OPCML: variants seen among roughly 807,000 people sequenced by gnomAD.
The protein encoded by OPCML is opioid-binding protein/cell adhesion molecule.
In OPCML, 13 loss-of-function variants were observed where a neutral mutation model predicts 37.8. The ratio of observed to expected loss-of-function variants is 0.34; its 90% CI spans 0.22 to 0.55. The LOEUF is 0.55. Ranked by LOEUF, OPCML falls within the 20% of genes least tolerant of loss-of-function variation. The pLI, the probability that OPCML is intolerant of heterozygous loss-of-function variation, is 0.91. For synonymous variants in OPCML, 176 were observed against 168.8 expected (o/e 1.04, Z -0.33); for missense variants, 341 against 435.6 (o/e 0.78, Z 1.93).
intron 3 of OPCML, among the ~76,000 whole-genome samples, chr11:132,652,377 CACACACACAGAG>C (rs1222385745): frequency 2.2e-4 from 33 of 150,780 alleles, no homozygotes; most frequent in African/African-American, 7.8e-4. Flanking sequence ...CACACACACA[CACACACACAGAG>C]AGAGAAATCC....
At chr11:132,971,229 T>C (rs1946336044) in intron 1 of OPCML, among the ~76,000 whole-genome samples, 1 of 152,210 alleles carries the variant, frequency 6.6e-6, no homozygotes, top group Admixed American at 6.5e-5. Flanking sequence ...AATATTATTT[T>C]GTTCTTTATA....
chr11:132,607,326 G>T (rs1938364892), intron 3 of OPCML, among the ~76,000 whole-genome samples: 1 of 152,210 alleles, frequency 6.6e-6, no homozygotes, highest in South Asian at 2.1e-4. Context: ...GGTTGGGTGG[G>T]GTCTCTAGAG....
At chr11:132,917,021 C>A (rs1266176510) in intron 2 of OPCML, among the ~76,000 whole-genome samples, 1 of 152,144 alleles carries the variant, frequency 6.6e-6, no homozygotes, top group Non-Finnish European at 1.5e-5. Flanking sequence ...GGAGATGAGT[C>A]CCCCAGAGCC....
intron 1 of OPCML, among the ~76,000 whole-genome samples, chr11:133,231,794 C>T (rs1280169965): frequency 6.6e-6 from 1 of 152,152 alleles, no homozygotes; most frequent in Non-Finnish European, 1.5e-5. Flanking sequence ...ATGTAAAGAA[C>T]ATGCAACCAG....
intron 1 of OPCML, among the ~76,000 whole-genome samples, chr11:133,519,117 TC>T (rs1251322226): frequency 6.6e-6 from 1 of 152,110 alleles, no homozygotes; most frequent in Non-Finnish European, 1.5e-5. Context: ...TCCGTCTCTG[TC>T]CCAGCAGAAC....
At chr11:133,047,131 G>A (rs1948032193) in intron 1 of OPCML, among the ~76,000 whole-genome samples, 1 of 152,174 alleles carries the variant, frequency 6.6e-6, no homozygotes, top group Non-Finnish European at 1.5e-5. Context: ...AAACTCAGGA[G>A]AACAAAATCT....
At chr11:133,039,525 A>G (rs1947845816) in intron 1 of OPCML, among the ~76,000 whole-genome samples, 1 of 151,864 alleles carries the variant, frequency 6.6e-6, no homozygotes, top group South Asian at 2.1e-4. Context: ...GTGTATACCC[A>G]TTGGATGGTG....
intron 4 of OPCML, among the ~76,000 whole-genome samples, chr11:132,464,845 A>C (rs1565584431): frequency 6.6e-6 from 1 of 152,214 alleles, no homozygotes; most frequent in Non-Finnish European, 1.5e-5. Context: ...TTATATGTAC[A>C]AGATGTGAAA....
rs946370559 is a variant in OPCML at position 132,796,658 on chromosome 11, C to A, written c.147-139339G>T. 9.1e-4 allele frequency among the ~76,000 whole-genome samples: 136 copies of A among 150,240 alleles called. 1 individual carries two copies. The highest frequency in any genetic ancestry group is 3.2e-3 in the African/African-American group (130 of 40,806). Reference sequence around the variant, plus strand: ...GCACGATCTCGGCTCACTGCAAGCTCCGCCTCCCGGGTTCATGCCGTTCTC... The same window carrying A: ...GCACGATCTCGGCTCACTGCAAGCTACGCCTCCCGGGTTCATGCCGTTCTC... On this transcript the variant is annotated intron_variant, in intron 2 of 7. Coordinates refer to ENST00000524381, the MANE Select transcript of OPCML (RefSeq NM_001012393.5).
chr11:133,045,928 T>C (rs1591947501), intron 1 of OPCML, among the ~76,000 whole-genome samples: 1 of 152,100 alleles, frequency 6.6e-6, no homozygotes, highest in African/African-American at 2.4e-5. Flanking sequence ...AAGCAAGAGG[T>C]GAGCCAAGTC....
chr11:133,509,185 G>A (rs966042225), intron 1 of OPCML, among the ~76,000 whole-genome samples: 12 of 151,976 alleles, frequency 7.9e-5, no homozygotes, highest in Admixed American at 5.2e-4. Context: ...ATTAAGGCCC[G>A]GATGCATTAG....
intron 1 of OPCML, among the ~76,000 whole-genome samples, chr11:133,468,572 T>G (rs1215446577): frequency 6.6e-6 from 1 of 152,214 alleles, no homozygotes; most frequent in Non-Finnish European, 1.5e-5. Flanking sequence ...GAACCAGATT[T>G]AAAAGTGACA....
chr11:132,691,310 G>A (rs573982295), intron 2 of OPCML, among the ~76,000 whole-genome samples: 138 of 152,138 alleles, frequency 9.1e-4, no homozygotes, highest in Non-Finnish European at 1.6e-3. Flanking sequence ...GGCTATTCAC[G>A]GTCAAAACAG....
chr11:132,736,865 C>T (rs1240461041), intron 2 of OPCML, among the ~76,000 whole-genome samples: 1 of 152,104 alleles, frequency 6.6e-6, no homozygotes, highest in Non-Finnish European at 1.5e-5. Flanking sequence ...CATGCCTGAC[C>T]CACAGAAACT....
chr11:132,917,761 A>G (rs1944655278), intron 2 of OPCML, among the ~76,000 whole-genome samples: 1 of 152,170 alleles, frequency 6.6e-6, no homozygotes, highest in South Asian at 2.1e-4. Flanking sequence ...AAGTAGCACA[A>G]TGGCTTGCTT....
chr11:133,298,319 AGAG>A (rs1307165154), intron 1 of OPCML: 10 of 152,226 alleles, frequency 6.6e-5, no homozygotes, highest in African/African-American at 2.4e-4. Context: ...ATTCAGGAAG[AGAG>A]GGATGGTAAA....
In OPCML at chr11:132,720,697, C is replaced by G. The variant is rs1187327716; in HGVS notation, c.147-63378G>C. 2.0e-5 allele frequency among the ~76,000 whole-genome samples: 3 copies of G among 152,250 alleles called. No homozygotes were observed. The East Asian group carries it at 5.8e-4, about 29-fold the overall frequency. On this transcript the variant is annotated intron_variant, in intron 2 of 7. Coordinates refer to ENST00000524381, the MANE Select transcript of OPCML (RefSeq NM_001012393.5). ...AATGTCTATTTTATTGTCAGCTCTTCTTCCACAGCTAAAGACTGACCTAGG... is the reference window on the plus strand; with the variant it reads ...AATGTCTATTTTATTGTCAGCTCTTGTTCCACAGCTAAAGACTGACCTAGG...
rs75092678 is a variant in OPCML, at chr11:132,784,167, G to A, written c.147-126848C>T. 3.8e-3 allele frequency among the ~76,000 whole-genome samples: 576 copies of A among 152,252 alleles called. 2 individuals carry two copies. The highest frequency in any genetic ancestry group is 5.4e-3 in the Non-Finnish European group (367 of 68,008). On this transcript the variant is annotated intron_variant, in intron 2 of 7. Transcript: ENST00000524381. ...AGTAACAAGCCTAGGAAGCCAGGGT[G>A]CTATAATTCAAACTTGTAGGAAGTC...
intron 4 of OPCML, among the ~76,000 whole-genome samples, chr11:132,504,715 G>A (rs949411617): frequency 1.1e-4 from 16 of 152,190 alleles, no homozygotes; most frequent in Middle Eastern, 3.4e-3. Flanking sequence ...ATGACTTGTC[G>A]GGAGAGAGAG....
Sources: gnomAD v4.1 joint callset for allele counts (sites outside exome capture counted in the v4.1 genomes callset) on GRCh38, gnomAD v4.1.1 for gene constraint, MANE v1.5 for transcripts, NCBI Gene and HGNC (gene_info 2026-07-23, HGNC 2026-07-21) for gene names.